The following KIAA1191 variants were observed in gnomAD, a reference collection of about 807,000 sequenced individuals.
The protein encoded by KIAA1191 is putative monooxygenase p33MONOX.
KIAA1191 carries 22 observed loss-of-function variants against 31.1 expected under a neutral mutation model. The observed-to-expected ratio is 0.71, with a 90% CI of 0.51 to 1.01. The LOEUF is 1.01. Ranked by LOEUF, KIAA1191 falls within the 50% of genes least tolerant of loss-of-function variation. The probability of loss-of-function intolerance (pLI) is 0.00; values close to 1 mark genes in which losing one functional copy is unlikely to be tolerated. For missense variants in KIAA1191, 319 were observed against 388.0 expected, an observed-to-expected ratio of 0.82 and a Z score of 1.49; for synonymous variants, 130 against 143.9, an observed-to-expected ratio of 0.90 and a Z score of 0.69.
chr5:176,350,981 AG>A (rs1395315776), intron 5 of KIAA1191, among the ~76,000 whole-genome samples: 1 of 152,184 alleles, frequency 6.6e-6, no homozygotes, highest in Non-Finnish European at 1.5e-5. Flanking sequence ...GGACAGCTGA[AG>A]AACCTTGAGG....
rs1482302072 is a variant in KIAA1191, at chr5:176,346,865, A to G, written c.*735T>C. Reference sequence around the variant, plus strand: ...AGGCTGGAGCACAGCACCAGTCATCAACAGGGCCAAAGTCGTCTTAGCGAG... The same window carrying G: ...AGGCTGGAGCACAGCACCAGTCATCGACAGGGCCAAAGTCGTCTTAGCGAG... On this transcript the variant is annotated 3_prime_UTR_variant, in exon 9 of 9. Transcript: ENST00000298569. 1 of 152,238 alleles carries G rather than the reference A, an allele frequency of 6.6e-6. No individual in the cohort carries two copies. Among genetic ancestry groups the G allele is most frequent in the Non-Finnish European group, 1.5e-5 (1 of 68,052 alleles). The allele number at this position is 152,238 out of a possible 1,614,324, so 9.4% of individuals were successfully genotyped here.
intron 1 of KIAA1191, among the ~76,000 whole-genome samples, chr5:176,360,539 G>A (rs1346831650): frequency 6.6e-6 from 1 of 151,954 alleles, no homozygotes; most frequent in Admixed American, 6.6e-5. Context: ...GGTGGCTCAC[G>A]CCTGTAATCC....
Position 176,346,646 on chromosome 5 carries a change from T to C in KIAA1191, c.*954A>G, listed in dbSNP as rs966750919. 11 of 152,382 alleles carry C rather than the reference T, an allele frequency of 7.2e-5. No homozygotes were observed. Among genetic ancestry groups the C allele is most frequent in the African/African-American group, 2.6e-4 (11 of 41,590 alleles). The allele number at this position is 152,382 out of a possible 1,614,324, so 9.4% of individuals were successfully genotyped here. A position where few individuals can be genotyped will look rare whatever the true frequency, so the allele number is the denominator to read the frequency against. ...CTAGAGTAGTGTTTGTTCTGTGGCA[T>C]AGAAAGAGGAGCATGCCTCCTCCGG... On this transcript the variant is annotated 3_prime_UTR_variant, in exon 9 of 9. Coordinates refer to ENST00000298569, the MANE Select transcript of KIAA1191 (RefSeq NM_020444.5).
Position 176,348,247 on chromosome 5 carries a change from CA to C in KIAA1191, c.566+2del, listed in dbSNP as rs1309533713. Reference sequence around the variant, plus strand: ...ACTCGGAAGGGTCACAGGAAGGGCTCACCTGGGCCTCTGCTTAGGTGAAGAG... The same window carrying C: ...ACTCGGAAGGGTCACAGGAAGGGCTCCCTGGGCCTCTGCTTAGGTGAAGAG... On this transcript the variant is annotated splice_donor_variant, in intron 7 of 8. Coordinates refer to ENST00000298569, the MANE Select transcript of KIAA1191 (RefSeq NM_020444.5). LOFTEE classifies it high-confidence loss of function. The C allele has an allele frequency of 1.9e-6, 3 of 1,613,354 alleles. No homozygotes were observed. The Admixed American group carries it at 5.0e-5, about 27-fold the overall frequency.
rs1032792844 is a variant in KIAA1191 at position 176,361,425 on chromosome 5, G to C, written c.-168+177C>G. ...CCCATTACGGAGACCCCAGAGAGCGGAGCCAGGGAGGCAAGAGGCGACCCA... is the reference window on the plus strand; with the variant it reads ...CCCATTACGGAGACCCCAGAGAGCGCAGCCAGGGAGGCAAGAGGCGACCCA... On this transcript the variant is annotated intron_variant, in intron 1 of 8. Transcript: ENST00000298569. This position sits in a 1 kb window ranked among gnomAD's most constrained non-coding sequence, Gnocchi z 4.0. The C allele has an allele frequency of 6.6e-6, 1 of 152,472 alleles. No individual in the cohort carries two copies. Among genetic ancestry groups the C allele is most frequent in the Non-Finnish European group, 1.5e-5 (1 of 68,224 alleles). The allele number at this position is 152,472 out of a possible 1,614,324, so 9.4% of individuals were successfully genotyped here.
chr5:176,357,801 T>C (rs1436569551), intron 3 of KIAA1191, among the ~76,000 whole-genome samples: 2 of 152,164 alleles, frequency 1.3e-5, no homozygotes, highest in African/African-American at 2.4e-5. Context: ...TACGGGAGAC[T>C]TGGGGAGCAA....
In KIAA1191 at chr5:176,361,522, T is replaced by C; in HGVS notation, c.-168+80A>G. ...GGAGTGGCTTGGAGGGGCCCCGAGA[T>C]CGGGCCTCGCCGGAAGCGCCCCTCC... On this transcript the variant is annotated intron_variant, in intron 1 of 8. Coordinates refer to ENST00000298569, the MANE Select transcript of KIAA1191 (RefSeq NM_020444.5). The surrounding 1 kb of genome is among the most constrained non-coding windows in gnomAD (Gnocchi z 4.0). 6.6e-6 allele frequency: 1 copy of C among 152,300 alleles called. No homozygotes were observed. Among genetic ancestry groups the C allele is most frequent in the Non-Finnish European group, 1.5e-5 (1 of 68,238 alleles). The allele number at this position is 152,300 out of a possible 1,614,324, so 9.4% of individuals were successfully genotyped here.
Position 176,348,270 on chromosome 5 carries a change from A to G in KIAA1191, c.546T>C (p.Ser182=). 6.2e-7 allele frequency: 1 copy of G among 1,613,780 alleles called. No homozygotes were observed. The highest frequency in any genetic ancestry group is 8.5e-7 in the Non-Finnish European group (1 of 1,179,922). Residue 182 remains serine (S), a synonymous_variant, in exon 7 of 9, where the codon TCT becomes TCC. Coordinates refer to ENST00000298569, the MANE Select transcript of KIAA1191 (RefSeq NM_020444.5). ...AQSTPSTTPH[S]SPKQRPRGWF... ...CTCACCTGGGCCTCTGCTTAGGTGA[A>G]GAGTGCGGAGTGGTGCTTGGGGTGG...
At chr5:176,358,700 T>C (rs1216989050) in intron 3 of KIAA1191, among the ~76,000 whole-genome samples, 1 of 129,264 alleles carries the variant, frequency 7.7e-6, no homozygotes, top group Non-Finnish European at 1.6e-5. Flanking sequence ...GGCAGCAGAG[T>C]GAGACTCAAA....
chr5:176,352,025 G>C (rs1245165552), intron 5 of KIAA1191, among the ~76,000 whole-genome samples: 1 of 151,936 alleles, frequency 6.6e-6, no homozygotes, highest in African/African-American at 2.4e-5. Context: ...AGTTTAGTTA[G>C]CTTGTTATAA....
Position 176,348,285 on chromosome 5 carries a change from G to A in KIAA1191, c.531C>T (p.Ser177=), listed in dbSNP as rs1219495320. Residue 177 remains serine (S), a synonymous_variant, in exon 7 of 9, where the codon AGC becomes AGT. Transcript: ENST00000298569. The part of the protein sequence containing the change: ...RQPASAQSTP[S]TTPHSSPKQR... ...GCTTAGGTGAAGAGTGCGGAGTGGTGCTTGGGGTGGACTGGGCTGATGCAG... is the reference window on the plus strand; with the variant it reads ...GCTTAGGTGAAGAGTGCGGAGTGGTACTTGGGGTGGACTGGGCTGATGCAG... 1.2e-6 allele frequency: 2 copies of A among 1,613,688 alleles called. No individual in the cohort carries two copies. Among genetic ancestry groups the A allele is most frequent in the Admixed American group, 3.3e-5 (2 of 59,964 alleles).
Position 176,355,917 on chromosome 5 carries a change from C to T in KIAA1191, c.29-168G>A. On this transcript the variant is annotated intron_variant, in intron 3 of 8. Coordinates refer to ENST00000298569, the MANE Select transcript of KIAA1191 (RefSeq NM_020444.5). This position sits in a 1 kb window ranked among gnomAD's most constrained non-coding sequence, Gnocchi z 4.2. ...CCAGGAAAGGCAGTGGTACCAATCCCTTCCTCTATGCCTGACACCTTGGGT... is the reference window on the plus strand; with the variant it reads ...CCAGGAAAGGCAGTGGTACCAATCCTTTCCTCTATGCCTGACACCTTGGGT... 1.5e-6 allele frequency: 1 copy of T among 675,724 alleles called. No individual in the cohort carries two copies. The highest frequency in any genetic ancestry group is 2.6e-6 in the Non-Finnish European group (1 of 384,026). The allele number at this position is 675,724 out of a possible 1,614,324, so 41.9% of individuals were successfully genotyped here. A position where few individuals can be genotyped will look rare whatever the true frequency, so the allele number is the denominator to read the frequency against.
In KIAA1191 at chr5:176,347,179, CAATTT is replaced by C. The variant is rs1231144263; in HGVS notation, c.*416_*420del. 6.6e-6 allele frequency: 1 copy of C among 152,580 alleles called. No individual in the cohort carries two copies. The highest frequency in any genetic ancestry group is 1.5e-5 in the Non-Finnish European group (1 of 68,344). The allele number at this position is 152,580 out of a possible 1,614,324, so 9.5% of individuals were successfully genotyped here. ...CCAATTACATCTCCAGCTCTAGCCT[CAATTT>C]AATAGGTTTTTTACTTTACTTTATT... is the stretch of plus-strand genomic sequence containing the variant. On this transcript the variant is annotated 3_prime_UTR_variant, in exon 9 of 9. Coordinates refer to ENST00000298569, the MANE Select transcript of KIAA1191 (RefSeq NM_020444.5).
intron 1 of KIAA1191, among the ~76,000 whole-genome samples, chr5:176,360,863 A>T (rs1767943062): frequency 6.6e-6 from 1 of 152,064 alleles, no homozygotes; most frequent in Non-Finnish European, 1.5e-5. Context: ...AGGAAACTAA[A>T]AATCAGAGGA....
At position 176,352,151 on chromosome 5, in the gene KIAA1191, G is replaced by GT. The variant is rs1767071792; in HGVS notation, c.334+470dup. Among the ~76,000 whole-genome samples the GT allele has an allele frequency of 2.3e-5, 3 of 132,956 alleles. No individual in the cohort carries two copies. In the South Asian group the frequency reaches 7.6e-4, roughly 33 times the overall value. 87.2% of individuals were successfully genotyped at this position (132,956 alleles called of 152,430 possible). ...CTTCCTGGTAGACCAACTTTGAGCTGTTTAAAAAAAAAAAAACAAAAAAAA... is the reference window on the plus strand; with the variant it reads ...CTTCCTGGTAGACCAACTTTGAGCTGTTTTAAAAAAAAAAAAACAAAAAAAA... On this transcript the variant is annotated intron_variant, in intron 5 of 8. Transcript: ENST00000298569.
At chr5:176,351,875 G>A (rs1767043141) in intron 5 of KIAA1191, among the ~76,000 whole-genome samples, 1 of 152,062 alleles carries the variant, frequency 6.6e-6, no homozygotes, top group South Asian at 2.1e-4. Flanking sequence ...ATAAACAAGG[G>A]CTTCTGACTT....
rs113446281 is a variant in KIAA1191 at position 176,352,257 on chromosome 5, G to A, written c.334+365C>T. On this transcript the variant is annotated intron_variant, in intron 5 of 8. Transcript: ENST00000298569. ...GCTTGAAACAGTAACAGCAGCAGCT[G>A]CCGCCACTGAGCACTGGGCCTTCTG... Among the ~76,000 whole-genome samples the A allele has an allele frequency of 4.2e-3, 637 of 151,944 alleles. 5 individuals carry two copies. Among genetic ancestry groups the A allele is most frequent in the African/African-American group, 0.015 (613 of 41,418 alleles).
rs1766682445 is a variant in KIAA1191, at chr5:176,348,150, C to T, written c.567-87G>A. On this transcript the variant is annotated intron_variant, in intron 7 of 8. Coordinates refer to ENST00000298569, the MANE Select transcript of KIAA1191 (RefSeq NM_020444.5). ...CACACCAAAAGAACAGGGAACTATC[C>T]CTTCTCCCTCTGAAACCACAGGCTT... 6 of 1,594,002 alleles carry T rather than the reference C, an allele frequency of 3.8e-6. No homozygotes were observed. The East Asian group carries it at 1.1e-4, about 30-fold the overall frequency.
intron 3 of KIAA1191, chr5:176,356,214 C>A (rs1050541559): frequency 1.6e-5 from 3 of 183,718 alleles, no homozygotes; most frequent in Non-Finnish European, 3.4e-5. Context: ...CCAATCCCAA[C>A]CAAACCTATC....
Sources: allele counts gnomAD v4.1 joint callset (sites outside exome capture counted in the v4.1 genomes callset), GRCh38; gene constraint gnomAD v4.1.1; non-coding constraint Gnocchi (gnomAD v3.1); transcripts MANE v1.5; gene names NCBI Gene and HGNC (gene_info 2026-07-23, HGNC 2026-07-21).